The following DLGAP2 variants were observed in gnomAD, a reference collection of about 807,000 sequenced individuals.
DLGAP2 encodes the protein DLG associated protein 2.
In DLGAP2, 26 loss-of-function variants were observed where a neutral mutation model predicts 100.3. That is an observed-to-expected ratio of 0.26 (90% confidence interval 0.19 to 0.36). The LOEUF is 0.36. DLGAP2 is among the 10% of genes least tolerant of loss of function. DLGAP2 has a pLI of 1.00. For synonymous variants in DLGAP2, 886 were observed against 630.1 expected (o/e 1.41, Z -6.08); for missense variants, 1,858 against 1,453.2 (o/e 1.28, Z -4.53).
chr8:1,266,130 G>A (rs1050641643), intron 3 of DLGAP2, among the ~76,000 whole-genome samples: 2 of 152,224 alleles, frequency 1.3e-5, no homozygotes, highest in African/African-American at 2.4e-5. Context: ...AAGCAGAGAC[G>A]CTCTGAAAGG....
Position 737,775 on chromosome 8 carries a change from G to A in DLGAP2, c.-33G>A. The A allele has an allele frequency of 2.6e-6, 1 of 378,122 alleles. No individual in the cohort carries two copies. Among genetic ancestry groups the A allele is most frequent in the Non-Finnish European group, 4.7e-6 (1 of 212,658 alleles). 23.4% of individuals were successfully genotyped at this position (378,122 alleles called of 1,614,324 possible). A position where few individuals can be genotyped will look rare whatever the true frequency, so the allele number is the denominator to read the frequency against. ...TGAGGAGGGGCCGCTTCGCCATGTCGCCCCGCACCTGCTGAGCCCGGAGCG... is the reference window on the plus strand; with the variant it reads ...TGAGGAGGGGCCGCTTCGCCATGTCACCCCGCACCTGCTGAGCCCGGAGCG... On this transcript the variant is annotated 5_prime_UTR_variant, in exon 1 of 15. Transcript: ENST00000637795.
chr8:1,486,700 T>G (rs1174025119), intron 3 of DLGAP2, among the ~76,000 whole-genome samples: 1 of 152,224 alleles, frequency 6.6e-6, no homozygotes, highest in African/African-American at 2.4e-5. Context: ...TCATGCCAAA[T>G]GGGATGAAAT....
intron 3 of DLGAP2, among the ~76,000 whole-genome samples, chr8:1,328,939 C>T (rs1474523832): frequency 1.3e-5 from 2 of 152,216 alleles, no homozygotes; most frequent in Admixed American, 6.5e-5. Context: ...TCCTCTGCAG[C>T]ACTAACACTC....
chr8:1,240,251 TTCTCTTACATGGCGCCG>T (rs1798757015), intron 2 of DLGAP2, among the ~76,000 whole-genome samples: 1 of 115,794 alleles, frequency 8.6e-6, no homozygotes, highest in Non-Finnish European at 2.0e-5. Flanking sequence ...CCGTGTCTAG[TTCTCTTACATGGCGCCG>T]TGTCTAGTTC....
At chr8:769,354 TGTCAGTGTG>T in intron 1 of DLGAP2, among the ~76,000 whole-genome samples, 1 of 151,946 alleles carries the variant, frequency 6.6e-6, no homozygotes, top group Non-Finnish European at 1.5e-5. Context: ...TAAAGGTGAT[TGTCAGTGTG>T]GTCAGTTGTG....
intron 6 of DLGAP2, among the ~76,000 whole-genome samples, chr8:1,613,925 C>A (rs1336735762): frequency 1.3e-5 from 2 of 152,234 alleles, no homozygotes; most frequent in African/African-American, 4.8e-5. Context: ...TAAATTGCTA[C>A]CTTCCATTCT....
chr8:1,424,600 A>G (rs555747982), intron 3 of DLGAP2, among the ~76,000 whole-genome samples: 2 of 152,330 alleles, frequency 1.3e-5, no homozygotes, highest in East Asian at 1.9e-4. Context: ...TTACCCTAAC[A>G]TGTGGCACTT....
chr8:1,054,815 T>C (rs1373258885), intron 2 of DLGAP2, among the ~76,000 whole-genome samples: 1 of 152,230 alleles, frequency 6.6e-6, no homozygotes, highest in Non-Finnish European at 1.5e-5. Flanking sequence ...TTACTCTCAA[T>C]CAAATTGTAA....
At chr8:1,264,248 G>A (rs533878919) in intron 3 of DLGAP2, among the ~76,000 whole-genome samples, 2 of 152,244 alleles carry the variant, frequency 1.3e-5, no homozygotes, top group African/African-American at 2.4e-5. Flanking sequence ...AGCTGCAGTC[G>A]CTCCTGAGAT....
At chr8:1,593,309 G>C (rs975327564) in intron 6 of DLGAP2, among the ~76,000 whole-genome samples, 7 of 151,924 alleles carry the variant, frequency 4.6e-5, no homozygotes, top group African/African-American at 1.5e-4. Flanking sequence ...AAAACAATTA[G>C]CTGGGCGTGG....
chr8:1,568,485 GTC>G (rs1185468703), intron 6 of DLGAP2, among the ~76,000 whole-genome samples: 1 of 76,986 alleles, frequency 1.3e-5, no homozygotes, highest in Non-Finnish European at 2.5e-5. Context: ...ACACAAATCC[GTC>G]TCTGCCCGTG....
chr8:1,307,479 A>G (rs1268310688), intron 3 of DLGAP2, among the ~76,000 whole-genome samples: 1 of 152,212 alleles, frequency 6.6e-6, no homozygotes, highest in Non-Finnish European at 1.5e-5. Flanking sequence ...CAAAAAATAA[A>G]CATGGAATTT....
At chr8:1,279,222 C>T (rs949810857) in intron 3 of DLGAP2, among the ~76,000 whole-genome samples, 5 of 152,124 alleles carry the variant, frequency 3.3e-5, no homozygotes, top group East Asian at 1.9e-4. Flanking sequence ...GTAAGAACAG[C>T]GCTAAAGTCC....
chr8:948,696 C>G (rs551273413), intron 2 of DLGAP2, among the ~76,000 whole-genome samples: 55 of 152,376 alleles, frequency 3.6e-4, no homozygotes, highest in African/African-American at 1.3e-3. Flanking sequence ...CCACGTCTCC[C>G]TGCTGCTCCA....
At chr8:1,605,105 G>C (rs552666423) in intron 6 of DLGAP2, among the ~76,000 whole-genome samples, 1 of 152,184 alleles carries the variant, frequency 6.6e-6, no homozygotes, top group Non-Finnish European at 1.5e-5. Flanking sequence ...CGGCCCCTGA[G>C]GATGCAGGCC....
intron 2 of DLGAP2, among the ~76,000 whole-genome samples, chr8:972,498 C>G (rs536643482): frequency 2.0e-5 from 3 of 152,190 alleles, no homozygotes; most frequent in Non-Finnish European, 2.9e-5. Context: ...ACAGAAATGA[C>G]AAATGCTTTT....
At chr8:852,295 G>A (rs1277294705) in intron 1 of DLGAP2, among the ~76,000 whole-genome samples, 1 of 152,128 alleles carries the variant, frequency 6.6e-6, no homozygotes, top group Non-Finnish European at 1.5e-5. Flanking sequence ...ACAGGCCTGG[G>A]GCTCTGCCTC....
At chr8:1,453,349 C>T (rs553963022) in intron 3 of DLGAP2, among the ~76,000 whole-genome samples, 3 of 152,130 alleles carry the variant, frequency 2.0e-5, no homozygotes, top group Non-Finnish European at 4.4e-5. Flanking sequence ...TCATATTTAT[C>T]TTCTTGAGTA....
At chr8:868,079 G>A (rs1426848849) in intron 1 of DLGAP2, among the ~76,000 whole-genome samples, 1 of 152,048 alleles carries the variant, frequency 6.6e-6, no homozygotes, top group South Asian at 2.1e-4. Context: ...TTTCAAAATG[G>A]TTATATACTT....
Sources: gnomAD v4.1 joint callset for allele counts (sites outside exome capture counted in the v4.1 genomes callset) on GRCh38, gnomAD v4.1.1 for gene constraint, MANE v1.5 for transcripts, NCBI Gene and HGNC (gene_info 2026-07-23, HGNC 2026-07-21) for gene names.